ATP11C: variants seen among roughly 807,000 people sequenced by gnomAD.
The protein encoded by ATP11C is phospholipid-transporting ATPase IG.
Under a neutral mutation model 97.4 loss-of-function variants are expected in ATP11C, and 36 were observed. The observed-to-expected ratio is 0.37, with a 90% CI of 0.28 to 0.49. The LOEUF is 0.49. Ranked by LOEUF, ATP11C falls within the 20% of genes least tolerant of loss-of-function variation. The pLI, the probability that ATP11C is intolerant of heterozygous loss-of-function variation, is 0.98. For synonymous variants in ATP11C, 275 were observed against 290.9 expected (o/e 0.95, Z 0.56); for missense variants, 730 against 824.6 (o/e 0.89, Z 1.40).
intron 4 of ATP11C, among the ~76,000 whole-genome samples, chrX:139,816,141 T>TC (rs1299755416): frequency 2.7e-5 from 3 of 111,876 alleles, no homozygotes; most frequent in Non-Finnish European, 5.7e-5. Context: ...GTAATCTTGT[T>TC]CCCAATAATG....
chrX:139,888,075 A>G (rs140676415), intron 1 of ATP11C, among the ~76,000 whole-genome samples: 1 of 111,181 alleles, frequency 9.0e-6, no homozygotes, highest in African/African-American at 3.3e-5. Flanking sequence ...TGCAAAACAC[A>G]TATCTGATAA....
intron 1 of ATP11C, among the ~76,000 whole-genome samples, chrX:139,909,334 T>C (rs2085032522): frequency 2.7e-5 from 3 of 110,940 alleles, no homozygotes; most frequent in South Asian, 3.8e-4. Flanking sequence ...GGCTTCATCA[T>C]GTTGGCCAGG....
At chrX:139,882,665 G>A (rs1772939249) in intron 1 of ATP11C, among the ~76,000 whole-genome samples, 1 of 111,379 alleles carries the variant, frequency 9.0e-6, no homozygotes, top group African/African-American at 3.3e-5. Context: ...CTAGGGCTCA[G>A]ACTTGCATGA....
intron 2 of ATP11C, among the ~76,000 whole-genome samples, chrX:139,824,332 G>A (rs1205354289): frequency 1.8e-5 from 2 of 110,359 alleles, no homozygotes; most frequent in African/African-American, 6.6e-5. Flanking sequence ...TCCCTGCAGA[G>A]TACATTAAAG....
chrX:139,910,919 G>A (rs762633230), intron 1 of ATP11C, among the ~76,000 whole-genome samples: 1 of 111,634 alleles, frequency 9.0e-6, no homozygotes, highest in South Asian at 3.7e-4. Flanking sequence ...CAGTGTCAAA[G>A]AGTAAGAGAC....
intron 1 of ATP11C, among the ~76,000 whole-genome samples, chrX:139,916,228 TA>T (rs71974305): frequency 0.027 from 2,442 of 91,776 alleles, 91 homozygotes; most frequent in East Asian, 0.17. Context: ...GACTCTGTCT[TA>T]AAAAAAAAAA....
intron 1 of ATP11C, among the ~76,000 whole-genome samples, chrX:139,857,376 T>C (rs2084108544): frequency 8.9e-6 from 1 of 111,827 alleles, no homozygotes; most frequent in Non-Finnish European, 1.9e-5. Context: ...AATATGTCAG[T>C]GTGTTCAATT....
At chrX:139,920,134 C>A (rs1245382488) in intron 1 of ATP11C, among the ~76,000 whole-genome samples, 2 of 110,420 alleles carry the variant, frequency 1.8e-5, no homozygotes, top group African/African-American at 6.6e-5. Flanking sequence ...CCGAGCCGGG[C>A]GGATGACCTG....
intron 19 of ATP11C, 40 bp from the exon 20 acceptor site, chrX:139,768,474 G>A: frequency 1.0e-6 from 1 of 991,078 alleles, no homozygotes; most frequent in Admixed American, 3.8e-5. Flanking sequence ...ATTTATTACA[G>A]ATTTCTGTTT....
intron 1 of ATP11C, among the ~76,000 whole-genome samples, chrX:139,905,376 CAG>C (rs2148119329): frequency 8.9e-6 from 1 of 112,188 alleles, no homozygotes; most frequent in Non-Finnish European, 1.9e-5. Flanking sequence ...AGCAGACTGA[CAG>C]GATTATTCAT....
At chrX:139,757,733 G>T in intron 23 of ATP11C, 75 bp downstream of exon 23, 1 of 722,884 alleles carries the variant, frequency 1.4e-6, no homozygotes, top group Non-Finnish European at 2.0e-6. Context: ...CTAATCTCTA[G>T]AAATCTAATA....
intron 11 of ATP11C, among the ~76,000 whole-genome samples, chrX:139,796,936 CTTTTCT>C (rs199576436): frequency 0.011 from 1,180 of 109,419 alleles, 6 homozygotes; most frequent in Middle Eastern, 0.019. Flanking sequence ...CTCTTTTTTT[CTTTTCT>C]TTTTCTTTCT....
At chrX:139,928,151 A>G (rs1337730423) in intron 1 of ATP11C, among the ~76,000 whole-genome samples, 1 of 111,503 alleles carries the variant, frequency 9.0e-6, no homozygotes, top group Non-Finnish European at 1.9e-5. Context: ...GAGAAAGACT[A>G]GGGAGCCATA....
At chrX:139,926,220 C>T (rs957065532) in intron 1 of ATP11C, among the ~76,000 whole-genome samples, 6 of 111,506 alleles carry the variant, frequency 5.4e-5, no homozygotes, top group African/African-American at 2.0e-4. Context: ...AAAAACTCCC[C>T]CAGTCTCGAG....
intron 1 of ATP11C, among the ~76,000 whole-genome samples, chrX:139,892,680 G>A (rs1252237522): frequency 8.9e-6 from 1 of 112,085 alleles, no homozygotes; most frequent in Admixed American, 9.5e-5. Flanking sequence ...ATCACAACGA[G>A]CCAGACAACA....
Position 139,728,621 on chromosome X carries a change from A to G in ATP11C, c.*345T>C, listed in dbSNP as rs111267828. The G allele has an allele frequency of 4.3e-6, 1 of 231,958 alleles. No homozygotes were observed. Among genetic ancestry groups the G allele is most frequent in the African/African-American group, 2.8e-5 (1 of 36,066 alleles). 19.1% of individuals were successfully genotyped at this position (231,958 alleles called of 1,213,427 possible). On this transcript the variant is annotated 3_prime_UTR_variant, in exon 30 of 30. Transcript: ENST00000682941. ...ACTTCATACTATTGTATTTAAATCC[A>G]TTCACAAAGTTCATGGGTTAAAAGA...
intron 21 of ATP11C, among the ~76,000 whole-genome samples, chrX:139,762,881 A>G (rs1317948409): frequency 5.4e-5 from 6 of 111,747 alleles, no homozygotes; most frequent in Non-Finnish European, 1.1e-4. Flanking sequence ...ACCCATTAAT[A>G]CTGCCATGTT....
rs997131025 is a variant in ATP11C, at chrX:139,726,817, T to C, written c.*2149A>G. On this transcript the variant is annotated 3_prime_UTR_variant, in exon 30 of 30. Coordinates refer to ENST00000682941, the MANE Select transcript of ATP11C (RefSeq NM_001353812.2). Reference sequence around the variant, plus strand: ...CCTTTCTCTGTCACAAATAGGGTGATTACATTGAGTGCTAGGAATACTGCA... The same window carrying C: ...CCTTTCTCTGTCACAAATAGGGTGACTACATTGAGTGCTAGGAATACTGCA... 4 of 111,652 alleles carry C rather than the reference T, an allele frequency of 3.6e-5. No homozygotes were observed. The highest frequency in any genetic ancestry group is 1.3e-4 in the African/African-American group (4 of 30,740). The allele number at this position is 111,652 out of a possible 1,213,427, so 9.2% of individuals were successfully genotyped here.
intron 28 of ATP11C, among the ~76,000 whole-genome samples, chrX:139,734,209 T>C (rs780606694): frequency 8.9e-6 from 1 of 111,905 alleles, no homozygotes; most frequent in Admixed American, 9.4e-5. Context: ...ATAATAGTAA[T>C]CATCATTATT....
Sources: allele counts gnomAD v4.1 joint callset (sites outside exome capture counted in the v4.1 genomes callset), GRCh38; gene constraint gnomAD v4.1.1; transcripts MANE v1.5; gene names NCBI Gene and HGNC (gene_info 2026-07-23, HGNC 2026-07-21).